Variants in NUP205 observed in about 807,000 individuals in gnomAD.
NUP205 encodes the protein nuclear pore complex protein Nup205.
NUP205 carries 76 observed loss-of-function variants against 253.8 expected under a neutral mutation model. That is an observed-to-expected ratio of 0.30 (90% CI 0.25 to 0.36). The LOEUF is 0.36. Among genes scored for constraint, NUP205 ranks in the 10% least tolerant of loss-of-function variants. NUP205 has a pLI of 1.00. For missense variants in NUP205, 2,162 were observed against 2,425.5 expected, an observed-to-expected ratio of 0.89 and a Z score of 2.28; for synonymous variants, 832 against 850.1, an observed-to-expected ratio of 0.98 and a Z score of 0.37.
chr7:135,620,956 A>G (rs374814194), intron 30 of NUP205, among the ~76,000 whole-genome samples: 1 of 152,258 alleles, frequency 6.6e-6, no homozygotes, highest in East Asian at 1.9e-4. Flanking sequence ...TCAACACATC[A>G]GTATATAATG....
rs549446732 is a variant in NUP205, at chr7:135,628,185, A to G, written c.4932+74A>G. On this transcript the variant is annotated intron_variant, in intron 34 of 42. Coordinates refer to ENST00000285968, the MANE Select transcript of NUP205 (RefSeq NM_015135.3). ...TTACAAGTACAGAAACCTTACACAC[A>G]TAGAATGCTTAAGTGAATTTACGTT... is the stretch of plus-strand genomic sequence containing the variant. 2.2e-5 allele frequency: 31 copies of G among 1,413,316 alleles called. No homozygotes were observed. In the South Asian group the frequency reaches 2.9e-4, roughly 13 times the overall value. 87.5% of individuals were successfully genotyped at this position (1,413,316 alleles called of 1,614,324 possible).
intron 13 of NUP205, 66 bp downstream of exon 13, chr7:135,594,795 G>C: frequency 7.9e-7 from 1 of 1,260,902 alleles, no homozygotes; most frequent in South Asian, 1.5e-5. Context: ...TAATACCATA[G>C]AAGCAAGAAC....
chr7:135,643,965 T>C (rs190816263), intron 39 of NUP205, among the ~76,000 whole-genome samples: 1 of 152,362 alleles, frequency 6.6e-6, no homozygotes, highest in Non-Finnish European at 1.5e-5. Context: ...TGAGCCACTT[T>C]GTCATTCCTG....
At chr7:135,586,263 G>C (rs1806461465) in intron 8 of NUP205, among the ~76,000 whole-genome samples, 1 of 151,692 alleles carries the variant, frequency 6.6e-6, no homozygotes, top group Non-Finnish European at 1.5e-5. Flanking sequence ...TATTTTTATA[G>C]GATCTATAGT....
intron 34 of NUP205, among the ~76,000 whole-genome samples, chr7:135,628,367 C>G (rs1178851579): frequency 6.6e-6 from 1 of 152,018 alleles, no homozygotes; most frequent in African/African-American, 2.4e-5. Flanking sequence ...ATTTGTTCTT[C>G]TATAAAAGAA....
chr7:135,594,457 CAGT>C (rs1793776722), intron 12 of NUP205, 87 bp from the exon 13 acceptor site: 1 of 961,572 alleles, frequency 1.0e-6, no homozygotes, highest in African/African-American at 1.6e-5. Flanking sequence ...CATGAGGACT[CAGT>C]ATAAATGATA....
chr7:135,567,128 GTATATATATATATA>G (rs1163648935), intron 1 of NUP205, among the ~76,000 whole-genome samples: 7 of 7,228 alleles, frequency 9.7e-4, no homozygotes, highest in African/African-American at 3.4e-3. Context: ...GTCTATGTGT[GTATATATATATATA>G]TATATATATA....
In NUP205 at chr7:135,603,505, C is replaced by CT. The variant is rs532195219; in HGVS notation, c.2702+525dup. ...TCCATGTTCTAAGAATCTAAGTCTA[C>CT]TTTTTTTTTTTTTTGTCTTTTTGAG... On this transcript the variant is annotated intron_variant, in intron 18 of 42. Coordinates refer to ENST00000285968, the MANE Select transcript of NUP205 (RefSeq NM_015135.3). Among the ~76,000 whole-genome samples, 845 of 142,192 alleles carry CT rather than the reference C, an allele frequency of 5.9e-3. 10 individuals are homozygous for CT. The highest frequency in any genetic ancestry group is 0.05 in the East Asian group (246 of 4,894). The allele number at this position is 142,192 out of a possible 152,430, so 93.3% of individuals were successfully genotyped here.
At chr7:135,632,041 G>A (rs900396569) in intron 35 of NUP205, among the ~76,000 whole-genome samples, 4 of 152,056 alleles carry the variant, frequency 2.6e-5, no homozygotes, top group African/African-American at 9.7e-5. Flanking sequence ...CACCGCGCCC[G>A]GCCTATCTCT....
rs751305143 is a variant in NUP205, at chr7:135,618,623, A to G, written c.3963+20A>G. ...GATAAGGTGACGTACTTCCTAAAAT[A>G]CTTTATACTGCTGAACGAATGTATC... is the stretch of plus-strand genomic sequence containing the variant. On this transcript the variant is annotated intron_variant, in intron 28 of 42. Coordinates refer to ENST00000285968, the MANE Select transcript of NUP205 (RefSeq NM_015135.3). 1.3e-6 allele frequency: 2 copies of G among 1,535,840 alleles called. No individual in the cohort carries two copies. Among genetic ancestry groups the G allele is most frequent in the Non-Finnish European group, 1.8e-6 (2 of 1,136,038 alleles).
chr7:135,631,972 C>T (rs149949121), intron 35 of NUP205, among the ~76,000 whole-genome samples: 1 of 152,046 alleles, frequency 6.6e-6, no homozygotes, highest in Non-Finnish European at 1.5e-5. Flanking sequence ...GTCTTGATCT[C>T]CTGACCTTGT....
chr7:135,580,213 T>G (rs896338685), intron 7 of NUP205, among the ~76,000 whole-genome samples: 1 of 152,228 alleles, frequency 6.6e-6, no homozygotes, highest in African/African-American at 2.4e-5. Flanking sequence ...CATTTTGTTT[T>G]CACTAGTGTC....
intron 39 of NUP205, 38 bp from the exon 40 acceptor site, chr7:135,644,856 CA>C: frequency 6.3e-7 from 1 of 1,596,450 alleles, no homozygotes; most frequent in Non-Finnish European, 8.5e-7. Context: ...AATTTCATTC[CA>C]GTTGATGTCA....
intron 11 of NUP205, among the ~76,000 whole-genome samples, chr7:135,592,200 A>ACTACTCTGTCAAGCCTGCCATGTTCTGG (rs1806647372): frequency 1.3e-5 from 2 of 152,198 alleles, no homozygotes; most frequent in Admixed American, 6.5e-5. Context: ...CAGTGTTCTG[A>ACTACTCTGTCAAGCCTGCCATGTTCTGG]CTACTCTGTC....
chr7:135,625,779 C>G (rs1030667001), intron 32 of NUP205, among the ~76,000 whole-genome samples: 11 of 152,162 alleles, frequency 7.2e-5, no homozygotes, highest in Non-Finnish European at 1.5e-4. Flanking sequence ...GTTTTAATTT[C>G]TTTTTCCTCC....
rs756632723 is a variant in NUP205 at position 135,576,310 on chromosome 7, A to C, written c.384A>C (p.Gly128=). 46 of 1,613,674 alleles carry C rather than the reference A, an allele frequency of 2.9e-5. No individual in the cohort carries two copies. Among genetic ancestry groups the C allele is most frequent in the Non-Finnish European group, 3.6e-5 (43 of 1,179,784 alleles). ...QQPHFPGLTR[G]LVAVLLYWDG... ...CACATTTTCCTGGCCTTACCAGAGG[A>C]TTAGTAGCTGTTCTTCTGTACTGGG... Residue 128 remains glycine (G), a synonymous_variant, in exon 4 of 43, where the codon GGA becomes GGC. Coordinates refer to ENST00000285968, the MANE Select transcript of NUP205 (RefSeq NM_015135.3).
Position 135,597,438 on chromosome 7 carries a change from T to G in NUP205, c.2064+20T>G. ...ATTGAGGTAAAGTTTTCCTTTTAGT[T>G]TAAATGTTAATTCATTCATGCATGT... On this transcript the variant is annotated intron_variant, in intron 14 of 42. Coordinates refer to ENST00000285968, the MANE Select transcript of NUP205 (RefSeq NM_015135.3). 1 of 1,521,824 alleles carries G rather than the reference T, an allele frequency of 6.6e-7. No homozygotes were observed. Among genetic ancestry groups the G allele is most frequent in the Non-Finnish European group, 9.1e-7 (1 of 1,096,128 alleles). 94.3% of individuals were successfully genotyped at this position (1,521,824 alleles called of 1,614,324 possible).
In NUP205 at chr7:135,626,253, G is replaced by A. The variant is rs368401121; in HGVS notation, c.4685G>A (p.Arg1562Lys). The A allele has an allele frequency of 6.2e-7, 1 of 1,614,130 alleles. No homozygotes were observed. The highest frequency in any genetic ancestry group is 8.5e-7 in the Non-Finnish European group (1 of 1,180,008). Residue 1562 changes from arginine (R) to lysine (K), a missense_variant, in exon 33 of 43, where the codon AGA (arginine) becomes AAA (lysine). Physicochemically the swap from Arg to Lys is conservative, Grantham distance 26. Coordinates refer to ENST00000285968, the MANE Select transcript of NUP205 (RefSeq NM_015135.3). ...GTAACTCCTCAGGCATTTCTCACAA[G>A]AGTGGCAAAGATACAGCAGGGTGCA... ...TYESKMAFLTRVAKIQQGALE... is the reference protein window; with the variant it reads ...TYESKMAFLTKVAKIQQGALE...
chr7:135,622,441 A>C (rs1368414357), intron 30 of NUP205, among the ~76,000 whole-genome samples: 1 of 151,806 alleles, frequency 6.6e-6, no homozygotes, highest in African/African-American at 2.4e-5. Flanking sequence ...AAGAAGGAAA[A>C]AAAAAAAGAC....
Sources: allele counts gnomAD v4.1 joint callset (sites outside exome capture counted in the v4.1 genomes callset), GRCh38; gene constraint gnomAD v4.1.1; transcripts MANE v1.5; gene names NCBI Gene and HGNC (gene_info 2026-07-23, HGNC 2026-07-21).